CNNM4: variants seen among roughly 807,000 people sequenced by gnomAD.
CNNM4 encodes the protein cyclin and CBS domain divalent metal cation transport mediator 4, also known as metal transporter CNNM4.
Under a neutral mutation model 53.7 loss-of-function variants are expected in CNNM4, and 32 were observed. The ratio of observed to expected loss-of-function variants is 0.60; its 90% CI spans 0.45 to 0.80. The LOEUF (loss-of-function observed/expected upper bound fraction) is 0.80, where lower values mean the gene tolerates loss of function less well. CNNM4 is among the 30% of genes least tolerant of loss of function. The pLI, the probability that CNNM4 is intolerant of heterozygous loss-of-function variation, is 0.00. For missense variants in CNNM4, 784 were observed against 1,022.0 expected (o/e 0.77, Z 3.17); for synonymous variants, 410 against 440.0 (o/e 0.93, Z 0.85).
chr2:96,762,310 C>T lies in CNNM4; in HGVS notation c.1311C>T (p.Pro437=), dbSNP rs1275241668. 3.1e-6 allele frequency: 5 copies of T among 1,614,188 alleles called. No homozygotes were observed. The highest frequency in any genetic ancestry group is 1.3e-5 in the African/African-American group (1 of 75,048). ...LAFVDPDDCT[P]LKTITRFYNH... is the part of the protein sequence containing the mutation. Reference sequence around the variant, plus strand: ...TTGTGGACCCCGATGACTGCACCCCCCTCAAGACTATCACTCGCTTCTATA... The same window carrying T: ...TTGTGGACCCCGATGACTGCACCCCTCTCAAGACTATCACTCGCTTCTATA... The change falls in exon 1 of 7, where the codon CCC becomes CCT. Residue 437 remains proline (P), a synonymous_variant. Coordinates refer to ENST00000377075, the MANE Select transcript of CNNM4 (RefSeq NM_020184.4).
chr2:96,803,331 C>T (rs2079174727), intron 5 of CNNM4, among the ~76,000 whole-genome samples: 1 of 152,126 alleles, frequency 6.6e-6, no homozygotes, highest in South Asian at 2.1e-4. Flanking sequence ...ATAAACAATA[C>T]CATGATATAA....
chr2:96,777,529 C>G (rs1411615735), intron 1 of CNNM4, among the ~76,000 whole-genome samples: 1 of 152,028 alleles, frequency 6.6e-6, no homozygotes, highest in Non-Finnish European at 1.5e-5. Flanking sequence ...GAGACAGAGT[C>G]TTGCTTTATT....
chr2:96,772,663 GTGCA>G (rs1232323447), intron 1 of CNNM4, among the ~76,000 whole-genome samples: 10 of 56,752 alleles, frequency 1.8e-4, no homozygotes, highest in Non-Finnish European at 2.6e-4. Flanking sequence ...ACACACATGC[GTGCA>G]CACACACACA....
At chr2:96,798,164 T>G (rs1040536771) in intron 3 of CNNM4, 7 of 231,256 alleles carry the variant, frequency 3.0e-5, no homozygotes, top group Non-Finnish European at 6.1e-5. Context: ...GCCCAGGAGT[T>G]TGAAGCTGCA....
chr2:96,778,292 T>G (rs1268188825), intron 1 of CNNM4, among the ~76,000 whole-genome samples: 1 of 151,300 alleles, frequency 6.6e-6, no homozygotes, highest in Non-Finnish European at 1.5e-5. Flanking sequence ...GTGCAGTGGC[T>G]CACGCCTGTA....
intron 3 of CNNM4, among the ~76,000 whole-genome samples, chr2:96,798,014 C>T (rs1480581293): frequency 1.3e-5 from 2 of 151,910 alleles, no homozygotes; most frequent in Non-Finnish European, 2.9e-5. Context: ...CATGGCGAGA[C>T]CCCATCTCTA....
At chr2:96,804,548 T>C (rs1470082391) in intron 5 of CNNM4, among the ~76,000 whole-genome samples, 2 of 152,066 alleles carry the variant, frequency 1.3e-5, no homozygotes, top group African/African-American at 2.4e-5. Flanking sequence ...ATTACAGGCA[T>C]GCACCACCAC....
At chr2:96,804,767 G>C (rs1055658278) in intron 5 of CNNM4, among the ~76,000 whole-genome samples, 7 of 151,546 alleles carry the variant, frequency 4.6e-5, no homozygotes, top group Non-Finnish European at 7.4e-5. Flanking sequence ...AACTCCTGAT[G>C]TTAGGTGATC....
Position 96,809,436 on chromosome 2 carries a change from G to T in CNNM4, c.2247G>T (p.Leu749=). The change falls in exon 7 of 7, where the codon CTG becomes CTT. Residue 749 remains leucine (L), a synonymous_variant. Coordinates refer to ENST00000377075, the MANE Select transcript of CNNM4 (RefSeq NM_020184.4). The stretch of plus-strand genomic sequence containing the variant: ...AGAACTTGGCCGAGAAGTCTGAGCT[G>T]CCTGTGGTGGACGAGACCACAACTC... ...HMENLAEKSE[L]PVVDETTTLL... is the part of the protein sequence containing the mutation. 6.2e-7 allele frequency: 1 copy of T among 1,614,200 alleles called. No individual in the cohort carries two copies. Among genetic ancestry groups the T allele is most frequent in the Non-Finnish European group, 8.5e-7 (1 of 1,180,034 alleles).
In CNNM4 at chr2:96,809,331, G is replaced by A; in HGVS notation, c.2142G>A (p.Gln714=). ...VDLQYIKITR[Q]QYQNGLLASR... ...CCTTCCTCATGCAGATCACTCGGCA[G>A]CAGTACCAGAACGGGCTGCTGGCTT... is the stretch of plus-strand genomic sequence containing the variant. Residue 714 remains glutamine, a synonymous_variant, in exon 7 of 7, where the codon CAG becomes CAA. Coordinates refer to ENST00000377075, the MANE Select transcript of CNNM4 (RefSeq NM_020184.4). 1.2e-6 allele frequency: 2 copies of A among 1,614,136 alleles called. No homozygotes were observed. The highest frequency in any genetic ancestry group is 1.7e-6 in the Non-Finnish European group (2 of 1,180,020).
chr2:96,764,815 G>A (rs193135970), intron 1 of CNNM4, among the ~76,000 whole-genome samples: 3 of 151,998 alleles, frequency 2.0e-5, no homozygotes, highest in East Asian at 2.0e-4. Context: ...GTGAAACCCC[G>A]TCTCTACTAA....
chr2:96,776,336 GT>G (rs201608749), intron 1 of CNNM4, among the ~76,000 whole-genome samples: 5 of 150,644 alleles, frequency 3.3e-5, no homozygotes, highest in African/African-American at 7.3e-5. Context: ...CCGCCATTGT[GT>G]TTTTTTTTAA....
chr2:96,785,162 G>T (rs1048155609), intron 1 of CNNM4, among the ~76,000 whole-genome samples: 2 of 152,130 alleles, frequency 1.3e-5, no homozygotes, highest in Non-Finnish European at 2.9e-5. Flanking sequence ...ACAGGCATGA[G>T]CCACTGTGCC....
chr2:96,786,838 T>A (rs2079020834), intron 1 of CNNM4, among the ~76,000 whole-genome samples: 1 of 150,656 alleles, frequency 6.6e-6, no homozygotes, highest in Admixed American at 6.6e-5. Flanking sequence ...AATGTGGATA[T>A]TTTGGTGTAT....
intron 5 of CNNM4, among the ~76,000 whole-genome samples, chr2:96,802,171 G>GAC (rs147284099): frequency 1.3e-4 from 19 of 149,938 alleles, no homozygotes; most frequent in Admixed American, 7.3e-4. Context: ...TACACCCATA[G>GAC]ACACACACAC....
intron 1 of CNNM4, among the ~76,000 whole-genome samples, chr2:96,780,626 T>C (rs1220086066): frequency 6.6e-6 from 1 of 152,176 alleles, no homozygotes; most frequent in Admixed American, 6.6e-5. Context: ...GTTCAGTAAT[T>C]CATTAGAACA....
Position 96,805,418 on chromosome 2 carries a change from GTT to G in CNNM4, c.1949-3123_1949-3122del, listed in dbSNP as rs898761608. ...GTTGTTATACCCTGGCTTCTTTTCA[GTT>G]TTTTTTTTTTTTTTTTTTTATTATT... On this transcript the variant is annotated intron_variant, in intron 5 of 6. Coordinates refer to ENST00000377075, the MANE Select transcript of CNNM4 (RefSeq NM_020184.4). 1.3e-3 allele frequency among the ~76,000 whole-genome samples: 98 copies of G among 76,152 alleles called. 1 individual carries two copies. Among genetic ancestry groups the G allele is most frequent in the African/African-American group, 4.6e-3 (93 of 20,324 alleles). The allele number at this position is 76,152 out of a possible 152,430, so 50.0% of individuals were successfully genotyped here.
chr2:96,769,662 A>G (rs1207123941), intron 1 of CNNM4, among the ~76,000 whole-genome samples: 1 of 151,984 alleles, frequency 6.6e-6, no homozygotes, highest in Non-Finnish European at 1.5e-5. Context: ...ATGGAGACGA[A>G]GAGAACCAAG....
chr2:96,776,905 G>A (rs1426922533), intron 1 of CNNM4, among the ~76,000 whole-genome samples: 6 of 147,844 alleles, frequency 4.1e-5, no homozygotes, highest in East Asian at 2.0e-4. Context: ...GAGCCACTGC[G>A]CCCCACCTCA....
Sources: gnomAD v4.1 joint callset for allele counts (sites outside exome capture counted in the v4.1 genomes callset) on GRCh38, gnomAD v4.1.1 for gene constraint, MANE v1.5 for transcripts, NCBI Gene and HGNC (gene_info 2026-07-23, HGNC 2026-07-21) for gene names.